TMEM132C: variants seen among roughly 807,000 people sequenced by gnomAD.
The protein encoded by TMEM132C is transmembrane protein 132C.
TMEM132C carries 29 observed loss-of-function variants against 61.4 expected under a neutral mutation model. The observed-to-expected ratio is 0.47, with a 90% CI of 0.35 to 0.64. The LOEUF (loss-of-function observed/expected upper bound fraction) is 0.64. Among genes scored for constraint, TMEM132C ranks in the 30% least tolerant of loss-of-function variants. The probability of loss-of-function intolerance (pLI) is 0.00; values close to 1 mark genes in which losing one functional copy is unlikely to be tolerated. For synonymous variants in TMEM132C, 656 were observed against 633.1 expected (o/e 1.04, Z -0.54); for missense variants, 1,408 against 1,476.9 (o/e 0.95, Z 0.76).
intron 1 of TMEM132C, among the ~76,000 whole-genome samples, chr12:128,279,703 C>T (rs563924686): frequency 1.3e-5 from 2 of 152,328 alleles, no homozygotes; most frequent in African/African-American, 4.8e-5. Flanking sequence ...GATCTGTGTG[C>T]CAAGGGCACC....
intron 1 of TMEM132C, among the ~76,000 whole-genome samples, chr12:128,368,001 G>C (rs990352115): frequency 6.6e-6 from 1 of 152,186 alleles, no homozygotes; most frequent in Non-Finnish European, 1.5e-5. Context: ...AAAGAGGTCA[G>C]ATAATAAAGG....
chr12:128,503,355 T>C (rs1872245549), intron 2 of TMEM132C, among the ~76,000 whole-genome samples: 1 of 151,418 alleles, frequency 6.6e-6, no homozygotes, highest in African/African-American at 2.4e-5. Flanking sequence ...GGAGCCGAGG[T>C]TTCTGGTCTT....
At chr12:128,320,988 T>C (rs527277780) in intron 1 of TMEM132C, among the ~76,000 whole-genome samples, 33 of 151,622 alleles carry the variant, frequency 2.2e-4, no homozygotes, top group Admixed American at 2.0e-3. Context: ...GCAATAGAAA[T>C]TGATTTGGGA....
chr12:128,416,030 T>C (rs1868770799), intron 2 of TMEM132C, among the ~76,000 whole-genome samples: 1 of 152,140 alleles, frequency 6.6e-6, no homozygotes, highest in Non-Finnish European at 1.5e-5. Context: ...GATCTCACTT[T>C]GGGTATATAT....
In TMEM132C at chr12:128,577,907, G is replaced by A. The variant is rs150547693; in HGVS notation, c.1121+33804G>A. 2.4e-3 allele frequency among the ~76,000 whole-genome samples: 373 copies of A among 152,340 alleles called. 1 individual carries two copies. Among genetic ancestry groups the A allele is most frequent in the African/African-American group, 8.6e-3 (358 of 41,580 alleles). The stretch of plus-strand genomic sequence containing the variant: ...GAGGACTCTGCAGTGCCTTCAGGTA[G>A]CCATGGAAGAGTTTCCTAAACACCA... On this transcript the variant is annotated intron_variant, in intron 3 of 8. Transcript: ENST00000435159.
intron 2 of TMEM132C, among the ~76,000 whole-genome samples, chr12:128,426,376 C>T (rs1434113897): frequency 1.3e-5 from 2 of 152,182 alleles, no homozygotes; most frequent in Non-Finnish European, 2.9e-5. Flanking sequence ...TCCTACTGGG[C>T]ATAATAAATC....
intron 5 of TMEM132C, among the ~76,000 whole-genome samples, chr12:128,670,999 T>G (rs765083121): frequency 9.9e-5 from 15 of 152,172 alleles, no homozygotes; most frequent in Non-Finnish European, 2.1e-4. Context: ...ACAAAATACA[T>G]TTGTGCTGTG....
Position 128,326,183 on chromosome 12 carries a change from A to G in TMEM132C, c.85+58696A>G, listed in dbSNP as rs1035826272. On this transcript the variant is annotated intron_variant, in intron 1 of 8. Coordinates refer to ENST00000435159, the MANE Select transcript of TMEM132C (RefSeq NM_001136103.3). The surrounding 1 kb of genome is among the most constrained non-coding windows in gnomAD (Gnocchi z 5.6). ...GTTTTTATGAGGGTGAGGGAACTGT[A>G]CAATTATTTATCAAATTGCAAAAGA... 2.0e-5 allele frequency among the ~76,000 whole-genome samples: 3 copies of G among 152,140 alleles called. No homozygotes were observed. The highest frequency in any genetic ancestry group is 4.4e-5 in the Non-Finnish European group (3 of 68,016).
rs80262273 is a variant in TMEM132C at position 128,639,523 on chromosome 12, A to T, written c.1305+23188A>T. Among the ~76,000 whole-genome samples, 13 of 152,320 alleles carry T rather than the reference A, an allele frequency of 8.5e-5. No individual in the cohort carries two copies. The East Asian group carries it at 2.5e-3, about 29-fold the overall frequency. On this transcript the variant is annotated intron_variant, in intron 4 of 8. Transcript: ENST00000435159. ...CAAAAATCAGATCTGATAAATGAGA[A>T]AATTGGAGAAAGAGAATGGCATTTT...
At chr12:128,434,704 G>A (rs1370017965) in intron 2 of TMEM132C, among the ~76,000 whole-genome samples, 1 of 152,128 alleles carries the variant, frequency 6.6e-6, no homozygotes, top group East Asian at 1.9e-4. Context: ...CGGGGTTCAA[G>A]CAATTATTCT....
At chr12:128,594,962 C>T (rs1753242152) in intron 3 of TMEM132C, among the ~76,000 whole-genome samples, 1 of 152,192 alleles carries the variant, frequency 6.6e-6, no homozygotes, top group Admixed American at 6.5e-5. Context: ...GCTGTCCGTC[C>T]CGGCTGCTGA....
chr12:128,341,865 A>C (rs1358050321), intron 1 of TMEM132C, among the ~76,000 whole-genome samples: 1 of 144,164 alleles, frequency 6.9e-6, no homozygotes, highest in African/African-American at 2.8e-5. Context: ...ACTACTCGAT[A>C]AACCACTGGT....
intron 4 of TMEM132C, among the ~76,000 whole-genome samples, chr12:128,663,118 G>A (rs1173243605): frequency 6.6e-6 from 1 of 152,166 alleles, no homozygotes; most frequent in East Asian, 1.9e-4. Context: ...GCCATAAAAT[G>A]TACTGTTTTA....
At chr12:128,348,418 C>A (rs1873238753) in intron 1 of TMEM132C, among the ~76,000 whole-genome samples, 1 of 152,146 alleles carries the variant, frequency 6.6e-6, no homozygotes, top group Non-Finnish European at 1.5e-5. Context: ...GATGCTTTTC[C>A]TTTTCTTTCG....
intron 2 of TMEM132C, among the ~76,000 whole-genome samples, chr12:128,478,837 C>T (rs762022039): frequency 1.1e-4 from 17 of 152,208 alleles, no homozygotes; most frequent in African/African-American, 2.7e-4. Flanking sequence ...CTCACGACAG[C>T]GCCTGCCTGT....
At chr12:128,468,039 T>C (rs933482551) in intron 2 of TMEM132C, among the ~76,000 whole-genome samples, 2 of 152,114 alleles carry the variant, frequency 1.3e-5, no homozygotes, top group African/African-American at 4.8e-5. Flanking sequence ...TCCGGCACCA[T>C]AGGGAGTAGA....
intron 4 of TMEM132C, among the ~76,000 whole-genome samples, chr12:128,667,313 C>A (rs758709786): frequency 6.6e-6 from 1 of 152,224 alleles, no homozygotes; most frequent in Non-Finnish European, 1.5e-5. Flanking sequence ...TAGCCAAAGA[C>A]CATTCTGAGA....
At chr12:128,477,090 T>C (rs1264796191) in intron 2 of TMEM132C, among the ~76,000 whole-genome samples, 1 of 152,118 alleles carries the variant, frequency 6.6e-6, no homozygotes, top group Non-Finnish European at 1.5e-5. Context: ...CCCCCAAAAC[T>C]CAGTGGCCTA....
chr12:128,671,256 C>T (rs189483427), intron 5 of TMEM132C, among the ~76,000 whole-genome samples: 51 of 152,278 alleles, frequency 3.3e-4, no homozygotes, highest in African/African-American at 1.1e-3. Context: ...TTCCCAGAAA[C>T]GGCTTGCCTA....
Sources: gnomAD v4.1 joint callset for allele counts (sites outside exome capture counted in the v4.1 genomes callset) on GRCh38, gnomAD v4.1.1 for gene constraint, Gnocchi (gnomAD v3.1) non-coding constraint, MANE v1.5 for transcripts, NCBI Gene and HGNC (gene_info 2026-07-23, HGNC 2026-07-21) for gene names.